GALNT8: variants seen among roughly 807,000 people sequenced by gnomAD.
GALNT8 encodes the protein probable polypeptide N-acetylgalactosaminyltransferase 8.
GALNT8 carries 66 observed loss-of-function variants against 62.7 expected under a neutral mutation model. The ratio of observed to expected loss-of-function variants is 1.05; its 90% CI spans 0.86 to 1.29. GALNT8 has a LOEUF of 1.29. Among genes scored for constraint, GALNT8 ranks in the 50% most tolerant of loss-of-function variants. GALNT8 has a pLI of 0.00. For synonymous variants in GALNT8, 288 were observed against 294.3 expected, an observed-to-expected ratio of 0.98 and a Z score of 0.22; for missense variants, 771 against 791.8, an observed-to-expected ratio of 0.97 and a Z score of 0.32.
At chr12:4,770,861 G>A (rs1591577133) in intron 10 of GALNT8, among the ~76,000 whole-genome samples, 1 of 152,168 alleles carries the variant, frequency 6.6e-6, no homozygotes, top group African/African-American at 2.4e-5. Context: ...TTCTAATATC[G>A]TGACATTTGG....
chr12:4,722,468 G>A (rs1323332268), intron 1 of GALNT8, among the ~76,000 whole-genome samples: 1 of 152,210 alleles, frequency 6.6e-6, no homozygotes, highest in Non-Finnish European at 1.5e-5. Flanking sequence ...AGATGCAGAA[G>A]GTGATCTATA....
intron 1 of GALNT8, among the ~76,000 whole-genome samples, chr12:4,721,670 C>G (rs374762538): frequency 7.2e-5 from 11 of 152,166 alleles, no homozygotes; most frequent in Admixed American, 6.5e-4. Context: ...GGTTTTACAC[C>G]GAGACATTCC....
At chr12:4,751,578 T>C (rs1946322465) in intron 6 of GALNT8, among the ~76,000 whole-genome samples, 1 of 152,190 alleles carries the variant, frequency 6.6e-6, no homozygotes, top group Non-Finnish European at 1.5e-5. Context: ...CAAATTTCTC[T>C]TGTTATTGAT....
chr12:4,741,253 C>T (rs1005573053), intron 3 of GALNT8, among the ~76,000 whole-genome samples: 4 of 152,170 alleles, frequency 2.6e-5, no homozygotes, highest in African/African-American at 9.7e-5. Context: ...GCATACCTTC[C>T]TCTTTTTTTA....
At chr12:4,731,639 G>A (rs145638655) in intron 2 of GALNT8, among the ~76,000 whole-genome samples, 111 of 152,168 alleles carry the variant, frequency 7.3e-4, no homozygotes, top group African/African-American at 2.2e-3. Flanking sequence ...GACCTTTATT[G>A]TATTGAAGGT....
intron 6 of GALNT8, among the ~76,000 whole-genome samples, chr12:4,751,287 A>C (rs1356345342): frequency 6.6e-6 from 1 of 152,022 alleles, no homozygotes; most frequent in African/African-American, 2.4e-5. Flanking sequence ...GTGATCTATT[A>C]GTTATTTCCT....
intron 10 of GALNT8, among the ~76,000 whole-genome samples, chr12:4,769,698 T>G (rs1946414557): frequency 6.6e-6 from 1 of 151,546 alleles, no homozygotes; most frequent in Non-Finnish European, 1.5e-5. Context: ...TTTATATACT[T>G]TATATATAAA....
At chr12:4,747,165 A>T (rs539289402) in intron 6 of GALNT8, among the ~76,000 whole-genome samples, 1 of 152,358 alleles carries the variant, frequency 6.6e-6, no homozygotes, top group East Asian at 1.9e-4. Flanking sequence ...TAATCATGTC[A>T]TAGAGAATGG....
At chr12:4,748,803 G>T (rs1026785671) in intron 6 of GALNT8, among the ~76,000 whole-genome samples, 2 of 151,994 alleles carry the variant, frequency 1.3e-5, no homozygotes, top group Non-Finnish European at 2.9e-5. Context: ...TATTGCTTTG[G>T]GTAGTATGGA....
intron 6 of GALNT8, among the ~76,000 whole-genome samples, chr12:4,758,147 T>C (rs1946353517): frequency 6.6e-6 from 1 of 152,232 alleles, no homozygotes; most frequent in Admixed American, 6.5e-5. Flanking sequence ...CCTTTTTTTT[T>C]GGATCAAGCA....
chr12:4,746,267 A>C lies in GALNT8; in HGVS notation c.1173+9A>C. ...TGGAGCTTAGCCTGAGGGTGGGTAC[A>C]TTTCCCTTTTCTTTATGGGACAAAG... On this transcript the variant is annotated intron_variant, in intron 6 of 10. Coordinates refer to ENST00000252318, the MANE Select transcript of GALNT8 (RefSeq NM_017417.2). 3.5e-6 allele frequency: 5 copies of C among 1,444,312 alleles called. No homozygotes were observed. The highest frequency in any genetic ancestry group is 4.9e-6 in the Non-Finnish European group (5 of 1,024,684). 89.5% of individuals were successfully genotyped at this position (1,444,312 alleles called of 1,614,324 possible).
At chr12:4,761,777 G>A (rs1275605178) in intron 7 of GALNT8, among the ~76,000 whole-genome samples, 1 of 152,146 alleles carries the variant, frequency 6.6e-6, no homozygotes. Context: ...GCTTAAGGTC[G>A]TGCTGTGCTC....
Position 4,763,306 on chromosome 12 carries a change from A to G in GALNT8, c.1413A>G (p.Lys471=), listed in dbSNP as rs377514827. 3.0e-5 allele frequency: 48 copies of G among 1,611,798 alleles called. No individual in the cohort carries two copies. The highest frequency in any genetic ancestry group is 4.1e-5 in the Non-Finnish European group (48 of 1,178,002). ...DVSSRMALRE[K]LKCKTFDWYL... ...CTTCCAGAATGGCACTCCGGGAAAA[A>G]CTGAAATGTAAAACTTTTGACTGGT... Residue 471 remains lysine (K), a synonymous_variant, in exon 8 of 11, where the codon AAA becomes AAG. Transcript: ENST00000252318.
Position 4,744,689 on chromosome 12 carries a change from C to T in GALNT8, c.849C>T (p.Val283=). 6.2e-7 allele frequency: 1 copy of T among 1,610,170 alleles called. No individual in the cohort carries two copies. Among genetic ancestry groups the T allele is most frequent in the Admixed American group, 1.7e-5 (1 of 59,716 alleles). ...VVAILDAHIE[V]NVGWAEPILA... is the part of the protein sequence containing the mutation. ...CCATCTTGGATGCTCACATTGAAGT[C>T]AATGTTGGGTGGTAAGGCTCAAAGA... The change falls in exon 4 of 11, where the codon GTC becomes GTT. Residue 283 remains valine, a synonymous_variant. Coordinates refer to ENST00000252318, the MANE Select transcript of GALNT8 (RefSeq NM_017417.2).
intron 8 of GALNT8, among the ~76,000 whole-genome samples, chr12:4,763,593 C>G (rs544119400): frequency 6.4e-4 from 98 of 152,298 alleles, no homozygotes; most frequent in Non-Finnish European, 1.1e-3. Context: ...TGCTTCTACT[C>G]CCCTTGAAAA....
Position 4,749,972 on chromosome 12 carries a change from G to C in GALNT8, c.1173+3714G>C, listed in dbSNP as rs1946315656. Among the ~76,000 whole-genome samples, 2 of 152,010 alleles carry C rather than the reference G, an allele frequency of 1.3e-5. No individual in the cohort carries two copies. The highest frequency in any genetic ancestry group is 1.3e-4 in the Admixed American group (2 of 15,244). On this transcript the variant is annotated intron_variant, in intron 6 of 10. Coordinates refer to ENST00000252318, the MANE Select transcript of GALNT8 (RefSeq NM_017417.2). This position sits in a 1 kb window ranked among gnomAD's most constrained non-coding sequence, Gnocchi z 4.1. ...TGGCATACAGTTGCTTATAGGAGCT[G>C]TTAGTGTTCCTTTAAATTTATGCAG...
At position 4,752,678 on chromosome 12, in the gene GALNT8, C is replaced by G. The variant is rs140751651; in HGVS notation, c.1173+6420C>G. ...ATTGTTGATCGATTCATTATTTAGA[C>G]TTTCTATTTAGGATAAGAGTAGTTT... On this transcript the variant is annotated intron_variant, in intron 6 of 10. Transcript: ENST00000252318. Among the ~76,000 whole-genome samples, 510 of 152,188 alleles carry G rather than the reference C, an allele frequency of 3.4e-3. 3 individuals are homozygous for G. The highest frequency in any genetic ancestry group is 0.012 in the African/African-American group (482 of 41,538).
chr12:4,768,367 AT>A (rs1439888894), intron 10 of GALNT8: 1 of 356,730 alleles, frequency 2.8e-6, no homozygotes, highest in Non-Finnish European at 5.4e-6. Context: ...TTCTAAAGAA[AT>A]AATATTTTTA....
At chr12:4,721,593 G>A (rs1418016532) in intron 1 of GALNT8, among the ~76,000 whole-genome samples, 1 of 152,156 alleles carries the variant, frequency 6.6e-6, no homozygotes, top group Non-Finnish European at 1.5e-5. Context: ...CAGTATTGCT[G>A]CCCGCATGTC....
Sources: gnomAD v4.1 joint callset for allele counts (sites outside exome capture counted in the v4.1 genomes callset) on GRCh38, gnomAD v4.1.1 for gene constraint, Gnocchi (gnomAD v3.1) non-coding constraint, MANE v1.5 for transcripts, NCBI Gene and HGNC (gene_info 2026-07-23, HGNC 2026-07-21) for gene names.